Variants in CELF4 observed in about 807,000 individuals in gnomAD.
The protein encoded by CELF4 is CUG-BP- and ETR-3-like factor 4.
CELF4 carries 18 observed loss-of-function variants against 59.9 expected under a neutral mutation model. The observed-to-expected ratio is 0.30, with a 90% CI of 0.21 to 0.45. The LOEUF is 0.45. Ranked by LOEUF, CELF4 falls within the 20% of genes least tolerant of loss-of-function variation. The pLI, the probability that CELF4 is intolerant of heterozygous loss-of-function variation, is 1.00. For synonymous variants in CELF4, 261 were observed against 267.1 expected (o/e 0.98, Z 0.22); for missense variants, 456 against 689.0 (o/e 0.66, Z 3.79).
At chr18:37,415,410 C>T (rs2099519539) in intron 2 of CELF4, among the ~76,000 whole-genome samples, 1 of 152,114 alleles carries the variant, frequency 6.6e-6, no homozygotes, top group African/African-American at 2.4e-5. Flanking sequence ...AGGGAGGCAC[C>T]CCTTGTTTAG....
chr18:37,368,384 G>A (rs1160345249), intron 2 of CELF4, among the ~76,000 whole-genome samples: 12 of 151,950 alleles, frequency 7.9e-5, no homozygotes, highest in Admixed American at 7.2e-4. Context: ...TCAGCCCTCC[G>A]CCTTGATCCT....
At chr18:37,298,564 T>C (rs2095811141) in intron 3 of CELF4, among the ~76,000 whole-genome samples, 1 of 152,022 alleles carries the variant, frequency 6.6e-6, no homozygotes, top group Non-Finnish European at 1.5e-5. Context: ...ACCCCATCTC[T>C]ACTAAAAATA....
intron 2 of CELF4, among the ~76,000 whole-genome samples, chr18:37,423,060 G>GCACA (rs1241753186): frequency 7.2e-5 from 3 of 41,656 alleles, no homozygotes; most frequent in Non-Finnish European, 2.4e-4. Context: ...ACATGCGCGC[G>GCACA]CGCGCACACA....
At chr18:37,461,453 A>C (rs1327012918) in intron 2 of CELF4, among the ~76,000 whole-genome samples, 1 of 152,244 alleles carries the variant, frequency 6.6e-6, no homozygotes, top group East Asian at 1.9e-4. Flanking sequence ...TAAAACCATC[A>C]GATCTTGTGA....
chr18:37,374,982 T>C (rs2098949709), intron 2 of CELF4, among the ~76,000 whole-genome samples: 1 of 152,200 alleles, frequency 6.6e-6, no homozygotes, highest in East Asian at 1.9e-4. Flanking sequence ...TTTCTGTCTG[T>C]GTCGTGCGGT....
At chr18:37,506,833 T>C (rs2099938609) in intron 1 of CELF4, among the ~76,000 whole-genome samples, 1 of 152,234 alleles carries the variant, frequency 6.6e-6, no homozygotes, top group Non-Finnish European at 1.5e-5. Flanking sequence ...AAAAGTTTGT[T>C]TCCTCCTTGG....
intron 2 of CELF4, among the ~76,000 whole-genome samples, chr18:37,413,243 C>T (rs116061272): frequency 0.01 from 1,572 of 152,210 alleles, 25 homozygotes; most frequent in African/African-American, 0.035. Context: ...TGTGTGTCTG[C>T]GTGTGTTCAC....
intron 2 of CELF4, among the ~76,000 whole-genome samples, chr18:37,436,904 G>A (rs1181856803): frequency 1.3e-5 from 2 of 152,128 alleles, no homozygotes; most frequent in Non-Finnish European, 2.9e-5. Flanking sequence ...AGATAATTAA[G>A]TCTCTCTCAG....
intron 2 of CELF4, among the ~76,000 whole-genome samples, chr18:37,453,277 A>C (rs541880845): frequency 4.6e-5 from 7 of 152,366 alleles, no homozygotes; most frequent in Admixed American, 1.3e-4. Context: ...CATTTGCTGA[A>C]TGGATGAATG....
At chr18:37,560,123 G>C (rs1005434438) in intron 1 of CELF4, among the ~76,000 whole-genome samples, 1 of 152,200 alleles carries the variant, frequency 6.6e-6, no homozygotes, top group East Asian at 1.9e-4. Context: ...CATTAAAACT[G>C]TGTGTGCTTG....
chr18:37,392,295 C>T (rs1480794342), intron 2 of CELF4, among the ~76,000 whole-genome samples: 2 of 152,178 alleles, frequency 1.3e-5, no homozygotes, highest in Non-Finnish European at 2.9e-5. Flanking sequence ...CACAGCCATC[C>T]CCATTTTTAG....
chr18:37,514,287 C>A (rs116427220), intron 1 of CELF4, among the ~76,000 whole-genome samples: 2 of 152,116 alleles, frequency 1.3e-5, no homozygotes, highest in South Asian at 2.1e-4. Context: ...TCCCCTCTCT[C>A]TCCTAGGACG....
intron 3 of CELF4, among the ~76,000 whole-genome samples, chr18:37,293,270 CA>C (rs1357064055): frequency 6.6e-6 from 1 of 152,238 alleles, no homozygotes; most frequent in Non-Finnish European, 1.5e-5. Context: ...AAGGTTTGGA[CA>C]GGGCCACATT....
chr18:37,403,692 T>C (rs2099354533), intron 2 of CELF4, among the ~76,000 whole-genome samples: 3 of 152,144 alleles, frequency 2.0e-5, no homozygotes, highest in African/African-American at 7.2e-5. Flanking sequence ...AGGTGTGTGT[T>C]CCCCTTTGCA....
chr18:37,426,871 T>C (rs928172215), intron 2 of CELF4, among the ~76,000 whole-genome samples: 21 of 151,878 alleles, frequency 1.4e-4, no homozygotes, highest in Non-Finnish European at 1.3e-4. Context: ...GCTGCTTCTT[T>C]AATCCCCATG....
intron 2 of CELF4, among the ~76,000 whole-genome samples, chr18:37,364,495 C>A (rs2098750713): frequency 6.6e-6 from 1 of 152,180 alleles, no homozygotes; most frequent in Admixed American, 6.5e-5. Flanking sequence ...GGATCCAGCA[C>A]TGGGGCTCCA....
chr18:37,364,939 G>A (rs1039969119), intron 2 of CELF4, among the ~76,000 whole-genome samples: 5 of 152,130 alleles, frequency 3.3e-5, no homozygotes, highest in African/African-American at 7.2e-5. Flanking sequence ...TAGGAGAGAC[G>A]GAAGGTCAGC....
chr18:37,343,401 C>A (rs140057781), intron 2 of CELF4, among the ~76,000 whole-genome samples: 1 of 143,536 alleles, frequency 7.0e-6, no homozygotes, highest in Non-Finnish European at 1.5e-5. Flanking sequence ...GAGGGGGATG[C>A]CACTTCTGGG....
chr18:37,490,239 GAAGTC>G (rs2099896725), intron 1 of CELF4, among the ~76,000 whole-genome samples: 1 of 152,158 alleles, frequency 6.6e-6, no homozygotes, highest in African/African-American at 2.4e-5. Flanking sequence ...ACAAAGTCTG[GAAGTC>G]ACACCAAACT....
Sources: allele counts gnomAD v4.1 joint callset (sites outside exome capture counted in the v4.1 genomes callset), GRCh38; gene constraint gnomAD v4.1.1; transcripts MANE v1.5; gene names NCBI Gene and HGNC (gene_info 2026-07-23, HGNC 2026-07-21).